The following FAM13A variants were observed in gnomAD, a reference collection of about 807,000 sequenced individuals.
FAM13A encodes the protein family with sequence similarity 13 member A.
A neutral mutation model predicts 129.6 loss-of-function variants in FAM13A; 76 were observed. That is an observed-to-expected ratio of 0.59 (90% CI 0.49 to 0.71). FAM13A has a LOEUF of 0.71. FAM13A is among the 30% of genes least tolerant of loss of function. FAM13A has a pLI of 0.00. For missense variants in FAM13A, 1,108 were observed against 1,249.3 expected (o/e 0.89, Z 1.70); for synonymous variants, 443 against 449.9 (o/e 0.98, Z 0.20).
At chr4:88,847,151 G>A (rs1736782102) in intron 7 of FAM13A, among the ~76,000 whole-genome samples, 1 of 152,210 alleles carries the variant, frequency 6.6e-6, no homozygotes, top group African/African-American at 2.4e-5. Flanking sequence ...CTGTGTGATA[G>A]AGGTGGCCAG....
chr4:88,804,321 ACAT>A (rs1009931471), intron 8 of FAM13A, among the ~76,000 whole-genome samples: 2 of 152,278 alleles, frequency 1.3e-5, no homozygotes, highest in South Asian at 2.1e-4. Context: ...TAAAAAACAA[ACAT>A]CAGCATTATT....
intron 1 of FAM13A, among the ~76,000 whole-genome samples, chr4:89,049,886 T>G (rs1200389423): frequency 6.6e-6 from 1 of 152,228 alleles, no homozygotes; most frequent in Non-Finnish European, 1.5e-5. Flanking sequence ...TAAAATACAC[T>G]TAGGTGAAAC....
At chr4:88,858,376 G>C (rs1478954188) in intron 6 of FAM13A, among the ~76,000 whole-genome samples, 2 of 152,170 alleles carry the variant, frequency 1.3e-5, no homozygotes, top group Non-Finnish European at 2.9e-5. Context: ...TAGGAATTAA[G>C]GTAGAAGACT....
chr4:88,765,876 C>T (rs1158100196), intron 13 of FAM13A, among the ~76,000 whole-genome samples: 1 of 152,176 alleles, frequency 6.6e-6, no homozygotes, highest in Non-Finnish European at 1.5e-5. Flanking sequence ...AGCAGTGGCA[C>T]TGGGCACGAT....
At chr4:88,834,783 T>TA (rs1425189765) in intron 7 of FAM13A, among the ~76,000 whole-genome samples, 1 of 152,218 alleles carries the variant, frequency 6.6e-6, no homozygotes, top group Non-Finnish European at 1.5e-5. Context: ...TAGTACAGAA[T>TA]TTGGCCAAAC....
At chr4:88,922,298 G>T (rs1192684792) in intron 5 of FAM13A, among the ~76,000 whole-genome samples, 2 of 151,634 alleles carry the variant, frequency 1.3e-5, no homozygotes, top group Non-Finnish European at 2.9e-5. Context: ...CACATAATTG[G>T]AAGTAAAGCT....
intron 5 of FAM13A, among the ~76,000 whole-genome samples, chr4:88,912,076 A>G (rs969993609): frequency 6.6e-6 from 1 of 152,210 alleles, no homozygotes; most frequent in Non-Finnish European, 1.5e-5. Flanking sequence ...CTTCCATGAC[A>G]TCACTGGTAG....
At chr4:88,953,559 C>A (rs1757285275) in intron 4 of FAM13A, among the ~76,000 whole-genome samples, 1 of 152,150 alleles carries the variant, frequency 6.6e-6, no homozygotes, top group Non-Finnish European at 1.5e-5. Flanking sequence ...GGTACATTCA[C>A]ATAGTGGTGA....
At chr4:89,038,602 A>C (rs1171536324) in intron 1 of FAM13A, among the ~76,000 whole-genome samples, 8 of 152,172 alleles carry the variant, frequency 5.3e-5, no homozygotes, top group Admixed American at 5.2e-4. Flanking sequence ...AGTTAACCTA[A>C]ATTTTTTATT....
intron 7 of FAM13A, among the ~76,000 whole-genome samples, chr4:88,809,924 G>A (rs926467738): frequency 1.1e-4 from 16 of 148,440 alleles, no homozygotes; most frequent in African/African-American, 4.0e-4. Context: ...GTTCATAACT[G>A]TTTGCAGCTG....
chr4:88,861,714 T>G (rs1739522889), intron 6 of FAM13A, among the ~76,000 whole-genome samples: 1 of 152,220 alleles, frequency 6.6e-6, no homozygotes, highest in African/African-American at 2.4e-5. Flanking sequence ...AAGAGGCACA[T>G]GGACTCCTAC....
At chr4:89,056,301 T>C (rs1274807890) in intron 1 of FAM13A, among the ~76,000 whole-genome samples, 1 of 152,164 alleles carries the variant, frequency 6.6e-6, no homozygotes, top group African/African-American at 2.4e-5. Context: ...ATTTAGAAAT[T>C]CATAAATTCT....
chr4:88,854,552 T>A (rs1008339355), intron 6 of FAM13A, among the ~76,000 whole-genome samples: 1 of 152,256 alleles, frequency 6.6e-6, no homozygotes, highest in Non-Finnish European at 1.5e-5. Flanking sequence ...TTTCTTCATT[T>A]ATTTGATCAT....
intron 5 of FAM13A, among the ~76,000 whole-genome samples, chr4:88,914,307 AAT>A (rs1460387110): frequency 6.6e-6 from 1 of 152,248 alleles, no homozygotes; most frequent in East Asian, 1.9e-4. Context: ...CTCTACCCTA[AAT>A]CTTCCAATGA....
At chr4:89,044,064 C>T (rs1284650149) in intron 1 of FAM13A, among the ~76,000 whole-genome samples, 1 of 124,774 alleles carries the variant, frequency 8.0e-6, no homozygotes, top group African/African-American at 3.3e-5. Context: ...CACCACTGCA[C>T]TCCAGCCTTG....
chr4:88,992,122 T>C (rs562464293), intron 3 of FAM13A, among the ~76,000 whole-genome samples: 19 of 152,332 alleles, frequency 1.2e-4, no homozygotes, highest in African/African-American at 4.6e-4. Flanking sequence ...TAATTCCCAC[T>C]TTCCCTTGTA....
chr4:88,876,665 C>T (rs1252845402), intron 6 of FAM13A, among the ~76,000 whole-genome samples: 1 of 151,992 alleles, frequency 6.6e-6, no homozygotes, highest in African/African-American at 2.4e-5. Context: ...AATCTCGGCT[C>T]ACTGCAAGCT....
At chr4:88,846,636 C>A (rs563021721) in intron 7 of FAM13A, among the ~76,000 whole-genome samples, 63 of 152,358 alleles carry the variant, frequency 4.1e-4, no homozygotes, top group African/African-American at 1.4e-3. Flanking sequence ...TCCCTCCTCA[C>A]TCCAACTTTG....
chr4:88,735,834 A>G (rs1468990666), intron 21 of FAM13A, among the ~76,000 whole-genome samples: 2 of 152,206 alleles, frequency 1.3e-5, no homozygotes, highest in Non-Finnish European at 2.9e-5. Flanking sequence ...CAGGAGATAA[A>G]CCACAGCCAA....
Sources: allele counts gnomAD v4.1 joint callset (sites outside exome capture counted in the v4.1 genomes callset), GRCh38; gene constraint gnomAD v4.1.1; transcripts MANE v1.5; gene names NCBI Gene and HGNC (gene_info 2026-07-23, HGNC 2026-07-21).